FBLN7: variants seen among roughly 807,000 people sequenced by gnomAD.
FBLN7 encodes the protein fibulin-7.
A neutral mutation model predicts 44.0 loss-of-function variants in FBLN7; 31 were observed. That is an observed-to-expected ratio of 0.70 (90% CI 0.53 to 0.95). FBLN7 has a LOEUF of 0.95. Ranked by LOEUF, FBLN7 falls within the 40% of genes least tolerant of loss-of-function variation. The probability of loss-of-function intolerance (pLI) is 0.00; values close to 1 mark genes in which losing one functional copy is unlikely to be tolerated. For synonymous variants in FBLN7, 262 were observed against 253.4 expected (o/e 1.03, Z -0.32); for missense variants, 573 against 618.5 (o/e 0.93, Z 0.78).
chr2:112,164,916 G>A (rs1022082470), intron 2 of FBLN7, 85 bp from the exon 3 acceptor site: 35 of 1,469,500 alleles, frequency 2.4e-5, no homozygotes, highest in East Asian at 2.1e-4. Flanking sequence ...AGGGCACTTC[G>A]AGATGGGAAG....
At chr2:112,227,350 C>T in the FBLN7 span, among the ~76,000 whole-genome samples, 2 of 152,136 alleles carry the variant, frequency 1.3e-5, no homozygotes, top group Non-Finnish European at 2.9e-5. Flanking sequence ...CATGGTGAAA[C>T]CCCATCTCTA....
rs1340437409 is a variant in FBLN7 at position 112,138,700 on chromosome 2, C to G, written c.45C>G (p.Ile15Met). 6 of 1,613,420 alleles carry G rather than the reference C, an allele frequency of 3.7e-6. No homozygotes were observed. The highest frequency in any genetic ancestry group is 5.1e-6 in the Non-Finnish European group (6 of 1,179,886). ...GCGCGCTCTTCCTTCTGCTCCTGAT[C>G]CTCGCCTGCCCCGAGCCGCGGGCTT... Reference protein sequence around the residue: ...SPRALFLLLLILACPEPRASQ... With the variant: ...SPRALFLLLLMLACPEPRASQ... The change falls in exon 1 of 8, where the codon ATC (isoleucine) becomes ATG (methionine). Residue 15 changes from isoleucine (I) to methionine (M), a missense_variant. Physicochemically the swap from Ile to Met is conservative, Grantham distance 10. Coordinates refer to ENST00000331203, the MANE Select transcript of FBLN7 (RefSeq NM_153214.3).
chr2:112,205,871 T>G, the FBLN7 span, among the ~76,000 whole-genome samples: 1 of 152,196 alleles, frequency 6.6e-6, no homozygotes, highest in Non-Finnish European at 1.5e-5. Flanking sequence ...TTTGGGGATT[T>G]TTATGGGAGT....
chr2:112,236,678 T>A, the FBLN7 span: 2 of 1,611,086 alleles, frequency 1.2e-6, no homozygotes, highest in South Asian at 1.1e-5. Flanking sequence ...TTAAGATTTT[T>A]ATTTTTTTGT....
chr2:112,208,044 A>G, the FBLN7 span, among the ~76,000 whole-genome samples: 2 of 152,244 alleles, frequency 1.3e-5, no homozygotes, highest in African/African-American at 4.8e-5. Flanking sequence ...GAAAGCAGCC[A>G]TAGACAACAT....
intron 2 of FBLN7, among the ~76,000 whole-genome samples, chr2:112,164,762 CT>C (rs1264720100): frequency 7.2e-5 from 11 of 152,334 alleles, no homozygotes; most frequent in South Asian, 4.1e-4. Flanking sequence ...GCACACAGCA[CT>C]TAGTGTCTCT....
chr2:112,207,579 C>T, the FBLN7 span, among the ~76,000 whole-genome samples: 3 of 151,902 alleles, frequency 2.0e-5, no homozygotes, highest in African/African-American at 2.4e-5. Flanking sequence ...ATATTTGTTC[C>T]GTCTATTAGT....
rs553258533 is a variant in FBLN7 at position 112,153,254 on chromosome 2, A to G, written c.76-6422A>G. 7.2e-4 allele frequency: 110 copies of G among 152,364 alleles called. 1 individual carries two copies. Among genetic ancestry groups the G allele is most frequent in the African/African-American group, 2.6e-3 (107 of 41,582 alleles). The allele number at this position is 152,364 out of a possible 1,614,324, so 9.4% of individuals were successfully genotyped here. A position where few individuals can be genotyped will look rare whatever the true frequency, so the allele number is the denominator to read the frequency against. ...TCCGAGCCTTGGCCAGCAGGCTCAC[A>G]TTTGGTAAGTTGCTCGGTCCTTTCA... On this transcript the variant is annotated intron_variant, in intron 1 of 7. Transcript: ENST00000331203.
At chr2:112,220,861 T>A in the FBLN7 span, among the ~76,000 whole-genome samples, 1 of 152,240 alleles carries the variant, frequency 6.6e-6, no homozygotes, top group African/African-American at 2.4e-5. Context: ...GTGACCTGCC[T>A]CTTCTCTCCA....
intron 5 of FBLN7, 146 bp from the exon 6 acceptor site, chr2:112,182,645 G>C: frequency 1.1e-6 from 1 of 907,720 alleles, no homozygotes; most frequent in Non-Finnish European, 1.6e-6. Context: ...GCTCTGCTGG[G>C]GGTAGGGCAT....
chr2:112,224,495 G>A, the FBLN7 span, among the ~76,000 whole-genome samples: 1 of 152,114 alleles, frequency 6.6e-6, no homozygotes, highest in Non-Finnish European at 1.5e-5. Flanking sequence ...TAAAACCCAG[G>A]ACAAAAATAC....
At chr2:112,150,980 A>T (rs936774773) in intron 1 of FBLN7, among the ~76,000 whole-genome samples, 14 of 152,200 alleles carry the variant, frequency 9.2e-5, no homozygotes, top group Non-Finnish European at 2.1e-4. Context: ...TTAAGCAAGC[A>T]GGTAGGGAAC....
rs200744418 is a variant in FBLN7 at position 112,165,119 on chromosome 2, C to T, written c.354C>T (p.Ser118=). Residue 118 remains serine (S), a synonymous_variant, in exon 3 of 8, where the codon AGC becomes AGT. Coordinates refer to ENST00000331203, the MANE Select transcript of FBLN7 (RefSeq NM_153214.3). ...NPGFRLVGPS[S]VVCLPNGTWT... ...GGTTCCGGCTGGTCGGGCCCAGCAG[C>T]GTGGTGTGTCTTCCCAATGGCACCT... The T allele has an allele frequency of 5.7e-4, 918 of 1,614,188 alleles. 11 individuals are homozygous for T. In the South Asian group the frequency reaches 8.7e-3, roughly 15 times the overall value.
chr2:112,224,730 T>TATA, the FBLN7 span, among the ~76,000 whole-genome samples: 1 of 152,338 alleles, frequency 6.6e-6, no homozygotes, highest in South Asian at 2.1e-4. Context: ...GTGTAGACTA[T>TATA]ATAATTCTGC....
chr2:112,178,274 A>AG (rs1682826751), intron 4 of FBLN7, among the ~76,000 whole-genome samples: 1 of 150,406 alleles, frequency 6.6e-6, no homozygotes, highest in Non-Finnish European at 1.5e-5. Flanking sequence ...AAAAACCAAA[A>AG]GAAAACAAAC....
the FBLN7 span, among the ~76,000 whole-genome samples, chr2:112,241,355 G>A: frequency 2.6e-5 from 4 of 152,220 alleles, no homozygotes; most frequent in Admixed American, 1.3e-4. Context: ...TCTTCCATGG[G>A]CTGGCATTTG....
chr2:112,162,823 G>A (rs192271988), intron 2 of FBLN7, among the ~76,000 whole-genome samples: 6 of 152,174 alleles, frequency 3.9e-5, no homozygotes, highest in African/African-American at 1.4e-4. Context: ...GTTTTCTTTT[G>A]TCGAGGTTTT....
chr2:112,180,179 A>G (rs1682914989), intron 4 of FBLN7, among the ~76,000 whole-genome samples: 1 of 152,248 alleles, frequency 6.6e-6, no homozygotes, highest in East Asian at 1.9e-4. Context: ...GGCAACGTAC[A>G]TGAACAGAAA....
chr2:112,220,688 G>A, the FBLN7 span, among the ~76,000 whole-genome samples: 1 of 152,190 alleles, frequency 6.6e-6, no homozygotes, highest in Non-Finnish European at 1.5e-5. Flanking sequence ...AGGCATGGTG[G>A]TGCGTGCCTG....
Sources: allele counts gnomAD v4.1 joint callset (sites outside exome capture counted in the v4.1 genomes callset), GRCh38; gene constraint gnomAD v4.1.1; transcripts MANE v1.5; gene names NCBI Gene and HGNC (gene_info 2026-07-23, HGNC 2026-07-21).